DGKH: variants seen among roughly 807,000 people sequenced by gnomAD.
DGKH encodes the protein DAG kinase eta.
A neutral mutation model predicts 159.3 loss-of-function variants in DGKH; 90 were observed. That is an observed-to-expected ratio of 0.57 (90% CI 0.48 to 0.67). DGKH has a LOEUF of 0.67. Among genes scored for constraint, DGKH ranks in the 30% least tolerant of loss-of-function variants. The probability of loss-of-function intolerance (pLI) is 0.00; values close to 1 mark genes in which losing one functional copy is unlikely to be tolerated. For synonymous variants in DGKH, 536 were observed against 553.8 expected (o/e 0.97, Z 0.45); for missense variants, 1,181 against 1,506.1 (o/e 0.78, Z 3.57).
At chr13:42,093,244 CAAA>C (rs111570773) in intron 1 of DGKH, among the ~76,000 whole-genome samples, 4 of 95,206 alleles carry the variant, frequency 4.2e-5, no homozygotes, top group Admixed American at 1.1e-4. Flanking sequence ...ACTCTGTCTC[CAAA>C]AAAAAAAAAA....
intron 29 of DGKH, 22 bp from the exon 30 acceptor site, chr13:42,229,076 CT>C: frequency 6.4e-7 from 1 of 1,568,080 alleles, no homozygotes; most frequent in Admixed American, 1.8e-5. Context: ...TTATTTCTAC[CT>C]TTTTCTGTTC....
At chr13:42,094,559 T>G (rs888066671) in intron 1 of DGKH, among the ~76,000 whole-genome samples, 3 of 152,210 alleles carry the variant, frequency 2.0e-5, no homozygotes, top group African/African-American at 7.2e-5. Context: ...AGTTTACATT[T>G]TATCTTCCTA....
At chr13:42,229,017 T>G in intron 29 of DGKH, 82 bp from the exon 30 acceptor site, 27 of 1,212,006 alleles carry the variant, frequency 2.2e-5, no homozygotes, top group Non-Finnish European at 2.9e-5. Flanking sequence ...TTTTTTCCTT[T>G]TCTTTCATTT....
rs1957241798 is a variant in DGKH at position 42,197,922 on chromosome 13, G to A, written c.2168-556G>A. Among the ~76,000 whole-genome samples, 5 of 152,172 alleles carry A rather than the reference G, an allele frequency of 3.3e-5. No homozygotes were observed. In the South Asian group the frequency reaches 8.3e-4, roughly 25 times the overall value. ...GCATGTTGAAATAAATTTGAAGTAA[G>A]AGGCTTCATTTTTTATATTTAATAC... On this transcript the variant is annotated intron_variant, in intron 17 of 29. Coordinates refer to ENST00000337343, the MANE Select transcript of DGKH (RefSeq NM_178009.5).
chr13:42,213,347 C>T (rs937982180), intron 24 of DGKH, among the ~76,000 whole-genome samples: 2 of 152,022 alleles, frequency 1.3e-5, no homozygotes, highest in Non-Finnish European at 2.9e-5. Flanking sequence ...CCATAGGGTT[C>T]AGGAAGAGGA....
In DGKH at chr13:42,141,028, C is replaced by CCATTAA. The variant is rs55860412; in HGVS notation, c.384+11397_384+11398insATTAAC. ...CATGTGCCATGTTGGTGTGCTGAAC[C>CCATTAA]CTCCTAATGCTATCCCTCCCCCCTC... On this transcript the variant is annotated intron_variant, in intron 3 of 29. Coordinates refer to ENST00000337343, the MANE Select transcript of DGKH (RefSeq NM_178009.5). 2.8e-3 allele frequency among the ~76,000 whole-genome samples: 145 copies of CCATTAA among 51,940 alleles called. 12 individuals carry two copies. Among genetic ancestry groups the CCATTAA allele is most frequent in the East Asian group, 5.1e-3 (10 of 1,952 alleles). The allele number at this position is 51,940 out of a possible 152,430, so 34.1% of individuals were successfully genotyped here.
chr13:42,123,478 A>C (rs1955112543), intron 1 of DGKH, among the ~76,000 whole-genome samples: 1 of 152,172 alleles, frequency 6.6e-6, no homozygotes, highest in Non-Finnish European at 1.5e-5. Flanking sequence ...AAAAGAAAAA[A>C]ATTGATAAAT....
In DGKH at chr13:42,221,349, C is replaced by A. The variant is rs779396292; in HGVS notation, c.3528C>A (p.Asp1176Glu). The A allele has an allele frequency of 5.7e-5, 92 of 1,613,808 alleles. No individual in the cohort carries two copies. Among genetic ancestry groups the A allele is most frequent in the Non-Finnish European group, 7.8e-5 (92 of 1,179,738 alleles). Residue 1176 changes from aspartate to glutamate, a missense_variant, in exon 29 of 30, where the codon GAC (aspartate) becomes GAA (glutamate). Physicochemically the swap from Asp to Glu is conservative, Grantham distance 45. This residue lies in a region of DGKH where 84 missense variants were observed against 77.9 expected (regional missense o/e 1.08). Coordinates refer to ENST00000337343, the MANE Select transcript of DGKH (RefSeq NM_178009.5). ...ACAAAGATATCTTCATCCGTCATGA[C>A]ATCAGAGGGGCTGAACTTTTGCATC... ...GEYKDIFIRH[D>E]IRGAELLHLE...
chr13:42,220,955 A>G (rs1957953523), intron 28 of DGKH, among the ~76,000 whole-genome samples: 1 of 152,194 alleles, frequency 6.6e-6, no homozygotes, highest in African/African-American at 2.4e-5. Flanking sequence ...TGCACCATTG[A>G]TCCTAATGAT....
At chr13:42,244,964 G>A (rs1053452096), downstream of DGKH, among the ~76,000 whole-genome samples, 17 of 149,286 alleles carry the variant, frequency 1.1e-4, no homozygotes, top group Non-Finnish European at 4.4e-5. Flanking sequence ...ATCACCTTCA[G>A]GGGAAAGTGG....
At chr13:42,046,979 T>A (rs1366218060), upstream of DGKH, among the ~76,000 whole-genome samples, 1 of 152,244 alleles carries the variant, frequency 6.6e-6, no homozygotes, top group Admixed American at 6.5e-5. Context: ...CAGGTGGGAA[T>A]GAAGGCCATT....
chr13:42,140,791 T>C (rs1464110978), intron 3 of DGKH: 2 of 152,054 alleles, frequency 1.3e-5, no homozygotes, highest in Non-Finnish European at 2.9e-5. Context: ...TGGTCCCTTT[T>C]TGTGGTGCAG....
At chr13:42,051,375 C>T (rs1881286141) in intron 1 of DGKH, among the ~76,000 whole-genome samples, 1 of 152,176 alleles carries the variant, frequency 6.6e-6, no homozygotes, top group Non-Finnish European at 1.5e-5. Context: ...CCGCCTCCTG[C>T]AACTGGACTG....
chr13:42,142,420 C>G (rs1955587600), intron 3 of DGKH, among the ~76,000 whole-genome samples: 1 of 150,810 alleles, frequency 6.6e-6, no homozygotes, highest in Admixed American at 6.6e-5. Context: ...TCGTTTTTTC[C>G]AATTCTGTGA....
At chr13:42,219,543 A>C (rs990316851) in intron 27 of DGKH, 143 bp from the exon 28 acceptor site, 16 of 1,169,870 alleles carry the variant, frequency 1.4e-5, no homozygotes, top group African/African-American at 1.2e-4. Flanking sequence ...TTAGTAGTAC[A>C]TTGTGAACTT....
rs934301116 is a variant in DGKH, at chr13:42,196,027, T to C, written c.2167+1011T>C. 3.9e-5 allele frequency: 6 copies of C among 152,252 alleles called. No homozygotes were observed. In the East Asian group the frequency reaches 1.2e-3, roughly 29 times the overall value. 9.4% of individuals were successfully genotyped at this position (152,252 alleles called of 1,614,324 possible). A position where few individuals can be genotyped will look rare whatever the true frequency, so the allele number is the denominator to read the frequency against. On this transcript the variant is annotated intron_variant, in intron 17 of 29. Coordinates refer to ENST00000337343, the MANE Select transcript of DGKH (RefSeq NM_178009.5). Reference sequence around the variant, plus strand: ...CATTTTCCCAAAGAAAATACACAAATAGCCAGTAAATACATGAAAGGATGC... The same window carrying C: ...CATTTTCCCAAAGAAAATACACAAACAGCCAGTAAATACATGAAAGGATGC...
chr13:42,174,211 A>G, intron 12 of DGKH, 67 bp downstream of exon 12: 1 of 1,334,648 alleles, frequency 7.5e-7, no homozygotes, highest in South Asian at 1.2e-5. Flanking sequence ...AAAAAGAAAG[A>G]GAGAGAAAAT....
At chr13:42,097,091 A>T (rs889932174) in intron 1 of DGKH, among the ~76,000 whole-genome samples, 1 of 152,084 alleles carries the variant, frequency 6.6e-6, no homozygotes, top group Admixed American at 6.5e-5. Flanking sequence ...GGCTTTCAGG[A>T]TCTTCTCTTT....
exon 31 of DGKH, chr13:42,256,443 C>T: frequency 1.3e-6 from 2 of 1,556,682 alleles, no homozygotes; most frequent in Admixed American, 1.7e-5. Flanking sequence ...AATGGATCAA[C>T]CTTAAAGGAA....
Sources: allele counts gnomAD v4.1 joint callset (sites outside exome capture counted in the v4.1 genomes callset), GRCh38; gene constraint gnomAD v4.1.1; regional missense constraint gnomAD v4.1.1; transcripts MANE v1.5; gene names NCBI Gene and HGNC (gene_info 2026-07-23, HGNC 2026-07-21).